Variants in ALK observed in about 807,000 individuals in gnomAD.
The protein encoded by ALK is ALK receptor tyrosine kinase.
Under a neutral mutation model 163.1 loss-of-function variants are expected in ALK, and 74 were observed. The observed-to-expected ratio is 0.45, with a 90% CI of 0.38 to 0.55. ALK has a LOEUF of 0.55. Ranked by LOEUF, ALK falls within the 20% of genes least tolerant of loss-of-function variation. The pLI is 0.00. For synonymous variants in ALK, 960 were observed against 843.2 expected, an observed-to-expected ratio of 1.14 and a Z score of -2.40; for missense variants, 2,063 against 2,105.3, an observed-to-expected ratio of 0.98 and a Z score of 0.39.
At chr2:29,395,648 C>T (rs1225495370) in intron 4 of ALK, among the ~76,000 whole-genome samples, 1 of 152,218 alleles carries the variant, frequency 6.6e-6, no homozygotes, top group African/African-American at 2.4e-5. Flanking sequence ...TTGCTCTAAC[C>T]TTCCCCCTGC....
intron 28 of ALK, among the ~76,000 whole-genome samples, chr2:29,194,860 T>G (rs1029269509): frequency 3.3e-5 from 5 of 152,106 alleles, no homozygotes; most frequent in Admixed American, 2.6e-4. Flanking sequence ...TGAAGTGCTG[T>G]GAGGAAAACC....
At chr2:29,257,451 T>C (rs1232039549) in intron 11 of ALK, among the ~76,000 whole-genome samples, 23 of 152,054 alleles carry the variant, frequency 1.5e-4, no homozygotes, top group Non-Finnish European at 4.4e-5. Context: ...ACAAATCAAT[T>C]AGTAATAAAC....
intron 5 of ALK, among the ~76,000 whole-genome samples, chr2:29,361,437 G>A (rs1668385809): frequency 6.6e-6 from 1 of 152,216 alleles, no homozygotes; most frequent in Admixed American, 6.5e-5. Flanking sequence ...TCAGCAGGAA[G>A]AATGACTCCC....
chr2:29,844,104 G>A (rs1045012469), intron 1 of ALK, among the ~76,000 whole-genome samples: 4 of 152,194 alleles, frequency 2.6e-5, no homozygotes, highest in Non-Finnish European at 5.9e-5. Context: ...TGGAAAAGGA[G>A]GTGAAGGAAA....
chr2:29,501,983 T>C (rs931893238), intron 4 of ALK, among the ~76,000 whole-genome samples: 6 of 152,234 alleles, frequency 3.9e-5, no homozygotes, highest in African/African-American at 1.2e-4. Flanking sequence ...TTCACACACA[T>C]TGTAGCAGGT....
Position 29,920,560 on chromosome 2 carries a change from C to G in ALK, c.100G>C (p.Ala34Pro), listed in dbSNP as rs1667968251. The change falls in exon 1 of 29, where the codon GCG becomes CCG. Residue 34 changes from alanine to proline, a missense_variant. Around this residue, in one of 5 missense-constraint regions of ALK, gnomAD observed 987 missense variants for 939.5 expected, o/e 1.05. Coordinates refer to ENST00000389048, the MANE Select transcript of ALK (RefSeq NM_004304.5). ...GTGQRAGSPAAGPPLQPREPL... is the reference protein window; with the variant it reads ...GTGQRAGSPAPGPPLQPREPL... ...TCCCGGGGCTGCAGCGGCGGCCCCG[C>G]AGCTGGGGAGCCCGCGCGCTGGCCG... 1.3e-6 allele frequency: 2 copies of G among 1,599,652 alleles called. No homozygotes were observed. The highest frequency in any genetic ancestry group is 1.1e-5 in the South Asian group (1 of 90,004).
At chr2:29,853,985 C>T (rs1020957655) in intron 1 of ALK, among the ~76,000 whole-genome samples, 11 of 151,784 alleles carry the variant, frequency 7.2e-5, no homozygotes, top group Non-Finnish European at 1.3e-4. Flanking sequence ...TCTGGGCTCG[C>T]TACAACCTTC....
intron 3 of ALK, among the ~76,000 whole-genome samples, chr2:29,635,681 C>T (rs954977951): frequency 6.6e-6 from 1 of 151,984 alleles, no homozygotes; most frequent in Non-Finnish European, 1.5e-5. Flanking sequence ...CGGCTCACTG[C>T]AACCTCCGCC....
intron 1 of ALK, among the ~76,000 whole-genome samples, chr2:29,853,677 T>C (rs773962620): frequency 6.6e-6 from 1 of 152,182 alleles, no homozygotes; most frequent in Non-Finnish European, 1.5e-5. Flanking sequence ...TCAAAGACTT[T>C]CTGTTGCACT....
chr2:29,617,223 C>A (rs1308839672), intron 3 of ALK, among the ~76,000 whole-genome samples: 1 of 152,236 alleles, frequency 6.6e-6, no homozygotes, highest in African/African-American at 2.4e-5. Context: ...TTACACCACA[C>A]AGCCCCCCAC....
chr2:29,688,523 A>C (rs1316096890), intron 3 of ALK, among the ~76,000 whole-genome samples: 1 of 152,248 alleles, frequency 6.6e-6, no homozygotes, highest in South Asian at 2.1e-4. Flanking sequence ...ATACAACAGA[A>C]TAAAGTTTAG....
At chr2:29,685,687 G>A (rs564173216) in intron 3 of ALK, among the ~76,000 whole-genome samples, 1 of 152,192 alleles carries the variant, frequency 6.6e-6, no homozygotes, top group Admixed American at 6.5e-5. Context: ...ACTTGGTCAA[G>A]GCCAGCTGTG....
chr2:29,289,445 C>T (rs2148225693), intron 9 of ALK, among the ~76,000 whole-genome samples: 1 of 152,334 alleles, frequency 6.6e-6, no homozygotes, highest in South Asian at 2.1e-4. Flanking sequence ...CCACCATTTT[C>T]TCCCAGTTCA....
At chr2:29,882,256 G>A (rs1408146470) in intron 1 of ALK, among the ~76,000 whole-genome samples, 1 of 152,040 alleles carries the variant, frequency 6.6e-6, no homozygotes, top group African/African-American at 2.4e-5. Context: ...AGAGAATAAA[G>A]CCAGACAAGA....
rs1573123548 is a variant in ALK at position 29,222,525 on chromosome 2, C to T, written c.3442G>A (p.Ala1148Thr). The T allele has an allele frequency of 6.2e-7, 1 of 1,614,138 alleles. No homozygotes were observed. Among genetic ancestry groups the T allele is most frequent in the Non-Finnish European group, 8.5e-7 (1 of 1,180,028 alleles). ...AGTGAGCCACTTCTTACCTTCACAG[C>T]CACTTGCAGGGGGCTTGGGTCGTTG... ...MPNDPSPLQVAVKTLPEVCSE... is the reference protein window; with the variant it reads ...MPNDPSPLQVTVKTLPEVCSE... The change falls in exon 21 of 29, where the codon GCT becomes ACT. Residue 1148 changes from alanine (A) to threonine (T), a missense_variant. Physicochemically the swap from Ala to Thr is moderately conservative, Grantham distance 58 (BLOSUM62 0). Around this residue, in one of 5 missense-constraint regions of ALK, gnomAD observed 575 missense variants for 626.6 expected, o/e 0.92. Transcript: ENST00000389048.
rs1263093498 is a variant in ALK, at chr2:29,801,034, C to A, written c.668-83337G>T. ...GGGGCAGAGCAACCTCAGGGAGGAA[C>A]AGGTCCTGAAGCAGCTCCCCCAACC... On this transcript the variant is annotated intron_variant, in intron 1 of 28. Transcript: ENST00000389048. Among the ~76,000 whole-genome samples the A allele has an allele frequency of 2.0e-5, 3 of 152,122 alleles. No homozygotes were observed. In the East Asian group the frequency reaches 5.8e-4, roughly 29 times the overall value.
rs1320001763 is a variant in ALK at position 29,717,778 on chromosome 2, G to T, written c.668-81C>A. ...CTGTCACTCAATATCAGTCAAAAAT[G>T]AAGTTTATAAGGGGCTTTCATGACA... On this transcript the variant is annotated intron_variant, in intron 1 of 28. Coordinates refer to ENST00000389048, the MANE Select transcript of ALK (RefSeq NM_004304.5). The T allele has an allele frequency of 3.1e-6, 5 of 1,596,232 alleles. No individual in the cohort carries two copies. In the African/African-American group the frequency reaches 5.4e-5, roughly 17 times the overall value.
chr2:29,534,924 T>A lies in ALK; in HGVS notation c.953-2808A>T, dbSNP rs563182040. ...TTATTTTCTGCAACCGGACTATCAA[T>A]AAGCGACTGAGCTTATTTTCACTCT... On this transcript the variant is annotated intron_variant, in intron 3 of 28. Transcript: ENST00000389048. Among the ~76,000 whole-genome samples the A allele has an allele frequency of 2.6e-5, 4 of 152,316 alleles. No individual in the cohort carries two copies. In the South Asian group the frequency reaches 8.3e-4, roughly 32 times the overall value.
At chr2:29,511,040 G>T (rs920303647) in intron 4 of ALK, among the ~76,000 whole-genome samples, 2 of 152,066 alleles carry the variant, frequency 1.3e-5, no homozygotes, top group African/African-American at 2.4e-5. Context: ...GTACATACAT[G>T]TATCACTTCC....
Sources: allele counts gnomAD v4.1 joint callset (sites outside exome capture counted in the v4.1 genomes callset), GRCh38; gene constraint gnomAD v4.1.1; regional missense constraint gnomAD v4.1.1; transcripts MANE v1.5; gene names NCBI Gene and HGNC (gene_info 2026-07-23, HGNC 2026-07-21).